KIF6: variants seen among roughly 807,000 people sequenced by gnomAD.
The protein encoded by KIF6 is kinesin family member 6, also known as kinesin-like protein KIF6.
In KIF6, 106 loss-of-function variants were observed where a neutral mutation model predicts 112.7. That is an observed-to-expected ratio of 0.94 (90% CI 0.80 to 1.11). The LOEUF is 1.11. KIF6 is among the 50% of genes least tolerant of loss of function. The pLI is 0.00. For synonymous variants in KIF6, 339 were observed against 339.9 expected (o/e 1.00, Z 0.03); for missense variants, 929 against 964.0 (o/e 0.96, Z 0.48).
chr6:39,564,718 A>G (rs2150604041), intron 10 of KIF6, among the ~76,000 whole-genome samples: 1 of 152,216 alleles, frequency 6.6e-6, no homozygotes, highest in East Asian at 1.9e-4. Flanking sequence ...TATACTGCGA[A>G]CACAAATTCA....
rs147589755 is a variant in KIF6, at chr6:39,436,978, T to C, written c.1646-5817A>G. ...AGGCAGTATTGTCATTTTCACAACA[T>C]TAATTCTTCTGATTCATGAGCATGG... On this transcript the variant is annotated intron_variant, in intron 13 of 22. Coordinates refer to ENST00000287152, the MANE Select transcript of KIF6 (RefSeq NM_145027.6). Among the ~76,000 whole-genome samples, 172 of 152,342 alleles carry C rather than the reference T, an allele frequency of 1.1e-3. 1 individual carries two copies. The highest frequency in any genetic ancestry group is 2.2e-3 in the Non-Finnish European group (148 of 68,018).
At chr6:39,517,135 T>TTG (rs1777131112) in intron 13 of KIF6, among the ~76,000 whole-genome samples, 1 of 151,900 alleles carries the variant, frequency 6.6e-6, no homozygotes, top group African/African-American at 2.4e-5. Context: ...AGAAAGGAGG[T>TTG]GACCAAATGA....
intron 14 of KIF6, among the ~76,000 whole-genome samples, chr6:39,426,194 A>G (rs180989046): frequency 3.3e-5 from 5 of 152,310 alleles, no homozygotes; most frequent in Admixed American, 2.0e-4. Flanking sequence ...ATATTATTGT[A>G]TACTATAGGG....
chr6:39,400,571 T>A (rs1413503001), intron 15 of KIF6, among the ~76,000 whole-genome samples: 1 of 152,106 alleles, frequency 6.6e-6, no homozygotes. Context: ...AATCTAAAGA[T>A]TTTTCTCTAT....
chr6:39,356,904 C>T lies in KIF6; in HGVS notation c.2180+373G>A, dbSNP rs895042494. On this transcript the variant is annotated intron_variant, in intron 19 of 22. Coordinates refer to ENST00000287152, the MANE Select transcript of KIF6 (RefSeq NM_145027.6). ...AAGAGCTCCCCTGTGTCTCAGTAGG[C>T]GGGCTACCCACTGTCCCACCACCAC... Among the ~76,000 whole-genome samples, 5 of 152,290 alleles carry T rather than the reference C, an allele frequency of 3.3e-5. No homozygotes were observed. The East Asian group carries it at 5.8e-4, about 18-fold the overall frequency.
rs735793 is a variant in KIF6, at chr6:39,369,680, A to G, written c.1862-7162T>C. 4.6e-3 allele frequency among the ~76,000 whole-genome samples: 697 copies of G among 152,284 alleles called. 3 individuals carry two copies. Among genetic ancestry groups the G allele is most frequent in the African/African-American group, 0.015 (641 of 41,554 alleles). ...GTTCTCTGTGGAGGAGGCAGACTGT[A>G]AAGTCAGAGGGTCAGCGTGTACTAG... On this transcript the variant is annotated intron_variant, in intron 16 of 22. Coordinates refer to ENST00000287152, the MANE Select transcript of KIF6 (RefSeq NM_145027.6).
At chr6:39,507,644 C>CTTCT (rs1776505560) in intron 13 of KIF6, among the ~76,000 whole-genome samples, 1 of 113,580 alleles carries the variant, frequency 8.8e-6, no homozygotes, top group Non-Finnish European at 1.8e-5. Context: ...TTTCCCCTTC[C>CTTCT]TTCCTTCCTT....
chr6:39,592,115 A>AAAAC (rs139542052), intron 7 of KIF6, among the ~76,000 whole-genome samples: 14,114 of 151,884 alleles, frequency 0.093, 1,113 homozygotes, highest in East Asian at 0.28. Flanking sequence ...CCGTCTCAAA[A>AAAAC]AAACAAACAA....
intron 13 of KIF6, among the ~76,000 whole-genome samples, chr6:39,454,869 A>C (rs1046908505): frequency 1.3e-5 from 2 of 152,014 alleles, no homozygotes; most frequent in South Asian, 4.2e-4. Context: ...GGAGGGTCCT[A>C]CGCCCACCGA....
At chr6:39,671,578 T>C (rs1786819679) in intron 3 of KIF6, among the ~76,000 whole-genome samples, 1 of 152,172 alleles carries the variant, frequency 6.6e-6, no homozygotes, top group Non-Finnish European at 1.5e-5. Flanking sequence ...GTTCAGCTCA[T>C]TCTCCAGGCA....
rs1581993600 is a variant in KIF6, at chr6:39,501,959, C to A, written c.1645+38044G>T. Among the ~76,000 whole-genome samples the A allele has an allele frequency of 3.3e-5, 5 of 152,210 alleles. No homozygotes were observed. In the South Asian group the frequency reaches 1.0e-3, roughly 32 times the overall value. ...TCCCCAACCTAGCAAGATGGGCCAA[C>A]ATTCAAATTCAGGAAATGAAGACAA... On this transcript the variant is annotated intron_variant, in intron 13 of 22. Coordinates refer to ENST00000287152, the MANE Select transcript of KIF6 (RefSeq NM_145027.6).
At chr6:39,535,609 T>C (rs1190206031) in intron 13 of KIF6, among the ~76,000 whole-genome samples, 1 of 152,082 alleles carries the variant, frequency 6.6e-6, no homozygotes, top group African/African-American at 2.4e-5. Context: ...CACACAATAA[T>C]AATGGGAGAC....
intron 9 of KIF6, among the ~76,000 whole-genome samples, chr6:39,579,793 G>A (rs1446112515): frequency 6.6e-5 from 10 of 151,706 alleles, no homozygotes; most frequent in Non-Finnish European, 2.9e-5. Flanking sequence ...TACAAGATTT[G>A]CTATTATAAT....
intron 10 of KIF6, among the ~76,000 whole-genome samples, chr6:39,547,482 T>C (rs980428073): frequency 6.6e-6 from 1 of 152,186 alleles, no homozygotes; most frequent in Admixed American, 6.5e-5. Flanking sequence ...CACATGTTTA[T>C]GAACAAAATT....
intron 11 of KIF6, 94 bp from the exon 12 acceptor site, chr6:39,544,787 T>TGCCTGATGTGTG: frequency 7.0e-6 from 5 of 718,376 alleles, no homozygotes; most frequent in Non-Finnish European, 9.0e-6. Context: ...CCTGCACACA[T>TGCCTGATGTGTG]CAGGCATGTG....
intron 15 of KIF6, among the ~76,000 whole-genome samples, chr6:39,418,550 C>G (rs1770098502): frequency 6.6e-6 from 1 of 152,176 alleles, no homozygotes; most frequent in Admixed American, 6.5e-5. Context: ...TGTGATATGA[C>G]ATGCAGGCCT....
chr6:39,584,373 GC>G (rs1300608470), intron 9 of KIF6, among the ~76,000 whole-genome samples: 1 of 119,054 alleles, frequency 8.4e-6, no homozygotes, highest in Non-Finnish European at 1.6e-5. Flanking sequence ...AGCCAAGATT[GC>G]ACCACTGCAC....
chr6:39,578,487 C>G (rs1781103876), intron 9 of KIF6, among the ~76,000 whole-genome samples: 1 of 151,896 alleles, frequency 6.6e-6, no homozygotes, highest in Non-Finnish European at 1.5e-5. Flanking sequence ...TGCTACCATG[C>G]CCGGCTAATC....
At chr6:39,543,386 G>A (rs1778900066) in intron 12 of KIF6, among the ~76,000 whole-genome samples, 1 of 152,032 alleles carries the variant, frequency 6.6e-6, no homozygotes, top group African/African-American at 2.4e-5. Context: ...GTGTGTGTGG[G>A]TGGGGGGGGA....
Sources: allele counts gnomAD v4.1 joint callset (sites outside exome capture counted in the v4.1 genomes callset), GRCh38; gene constraint gnomAD v4.1.1; transcripts MANE v1.5; gene names NCBI Gene and HGNC (gene_info 2026-07-23, HGNC 2026-07-21).